Variants in RBFOX1 observed in about 807,000 individuals in gnomAD.
RBFOX1 encodes the protein RNA binding protein fox-1 homolog 1.
In RBFOX1, 8 loss-of-function variants were observed where a neutral mutation model predicts 57.7. That is an observed-to-expected ratio of 0.14 (90% confidence interval 0.08 to 0.25). The LOEUF (loss-of-function observed/expected upper bound fraction) is 0.25. RBFOX1 is among the 10% of genes least tolerant of loss of function. The probability of loss-of-function intolerance (pLI) is 1.00; values close to 1 mark genes in which losing one functional copy is unlikely to be tolerated. For synonymous variants in RBFOX1, 326 were observed against 222.4 expected (o/e 1.47, Z -4.15); for missense variants, 611 against 548.5 (o/e 1.11, Z -1.14).
intron 4 of RBFOX1, among the ~76,000 whole-genome samples, chr16:7,230,466 C>T (rs2093433568): frequency 6.6e-6 from 1 of 152,102 alleles, no homozygotes; most frequent in South Asian, 2.1e-4. Context: ...TCAGCTTTGT[C>T]CTCTCAAGGG....
At chr16:7,490,465 G>C (rs1199898017) in intron 4 of RBFOX1, among the ~76,000 whole-genome samples, 1 of 152,200 alleles carries the variant, frequency 6.6e-6, no homozygotes, top group Non-Finnish European at 1.5e-5. Context: ...TTTCCAGCCA[G>C]CCAGGCTGTC....
At chr16:6,916,487 G>T (rs1410463943) in intron 3 of RBFOX1, among the ~76,000 whole-genome samples, 14 of 142,822 alleles carry the variant, frequency 9.8e-5, no homozygotes, top group South Asian at 4.5e-4. Context: ...CATTTTAGTT[G>T]TTTTTTTTTT....
At chr16:6,645,007 C>A (rs150669043) in intron 2 of RBFOX1, among the ~76,000 whole-genome samples, 1 of 152,154 alleles carries the variant, frequency 6.6e-6, no homozygotes, top group African/African-American at 2.4e-5. Flanking sequence ...TCTGGAGGCT[C>A]TACGTCCAAG....
At chr16:5,656,259 A>G (rs1472145203) in intron 3 of RBFOX1, among the ~76,000 whole-genome samples, 3 of 152,142 alleles carry the variant, frequency 2.0e-5, no homozygotes, top group Non-Finnish European at 4.4e-5. Context: ...GCTTTCACAG[A>G]GGGTTGTCTT....
intron 2 of RBFOX1, among the ~76,000 whole-genome samples, chr16:5,561,568 G>A (rs1402027974): frequency 6.6e-6 from 1 of 152,088 alleles, no homozygotes; most frequent in Non-Finnish European, 1.5e-5. Flanking sequence ...GGCCCTATTA[G>A]ACACCAGGGA....
In RBFOX1 at chr16:5,787,879, A is replaced by G. The variant is rs190281134; in HGVS notation, c.319-79424A>G. ...ATTGCAATTGCAGTGTTCCAAGTCA[A>G]CTAAGGAACTTAGATGTTATGTGGC... On this transcript the variant is annotated intron_variant, in intron 3 of 19. Coordinates refer to the RBFOX1 transcript ENST00000641259. 1.1e-4 allele frequency among the ~76,000 whole-genome samples: 16 copies of G among 152,356 alleles called. No individual in the cohort carries two copies. The East Asian group carries it at 3.1e-3, about 29-fold the overall frequency.
In RBFOX1 at chr16:6,401,768, A is replaced by G. The variant is rs139009288; in HGVS notation, c.-64+84711A>G. Among the ~76,000 whole-genome samples the G allele has an allele frequency of 1.3e-3, 200 of 152,290 alleles. 2 individuals carry two copies. The highest frequency in any genetic ancestry group is 6.2e-3 in the East Asian group (32 of 5,184). On this transcript the variant is annotated intron_variant, in intron 2 of 15. Transcript: ENST00000550418. ...AAGTTTACTGTTCATGGAAAACATT[A>G]AATGATAAACTATAGTTTATTTAAA...
chr16:6,079,874 A>G (rs563040766), intron 1 of RBFOX1, among the ~76,000 whole-genome samples: 46 of 152,332 alleles, frequency 3.0e-4, no homozygotes, highest in Admixed American at 9.8e-4. Context: ...TAATTTTTAA[A>G]TAATTCCTTC....
At chr16:6,027,535 C>G (rs1298544947) in intron 1 of RBFOX1, among the ~76,000 whole-genome samples, 1 of 152,148 alleles carries the variant, frequency 6.6e-6, no homozygotes, top group Non-Finnish European at 1.5e-5. Flanking sequence ...CTCAGTCCAT[C>G]CCTACAAATG....
chr16:5,808,238 G>C (rs114414323), intron 3 of RBFOX1, among the ~76,000 whole-genome samples: 1,665 of 152,274 alleles, frequency 0.011, 41 homozygotes, highest in African/African-American at 0.038. Context: ...AAAAGACATA[G>C]GAATATTTCT....
At chr16:6,171,414 C>T (rs1246977531) in intron 1 of RBFOX1, among the ~76,000 whole-genome samples, 1 of 152,158 alleles carries the variant, frequency 6.6e-6, no homozygotes, top group Non-Finnish European at 1.5e-5. Context: ...TTAGAGAATG[C>T]CTCAAAGGTA....
At chr16:7,006,760 A>G (rs769233235) in intron 3 of RBFOX1, among the ~76,000 whole-genome samples, 3 of 152,152 alleles carry the variant, frequency 2.0e-5, no homozygotes, top group Non-Finnish European at 2.9e-5. Context: ...TAATTTGATT[A>G]AGAAAAAGTA....
intron 2 of RBFOX1, among the ~76,000 whole-genome samples, chr16:5,481,678 T>C (rs150074721): frequency 5.4e-4 from 83 of 152,330 alleles, no homozygotes; most frequent in Admixed American, 4.0e-3. Flanking sequence ...TTGCGAGGGC[T>C]GCCATCCCAA....
chr16:5,684,171 G>T, intron 3 of RBFOX1, among the ~76,000 whole-genome samples: 1 of 152,062 alleles, frequency 6.6e-6, no homozygotes, highest in Admixed American at 6.5e-5. Flanking sequence ...TATCTAAAAA[G>T]GATATCCCTG....
intron 4 of RBFOX1, among the ~76,000 whole-genome samples, chr16:7,413,346 G>A (rs2098448008): frequency 6.6e-6 from 1 of 151,878 alleles, no homozygotes; most frequent in African/African-American, 2.4e-5. Flanking sequence ...GTCTTCCTCT[G>A]TAGCAATGGG....
chr16:6,891,495 G>A (rs896802758), intron 3 of RBFOX1, among the ~76,000 whole-genome samples: 1 of 151,756 alleles, frequency 6.6e-6, no homozygotes, highest in Admixed American at 6.6e-5. Flanking sequence ...GGAGAGGAGA[G>A]GGGAAGATAT....
intron 3 of RBFOX1, among the ~76,000 whole-genome samples, chr16:6,865,247 C>T (rs553408667): frequency 2.0e-5 from 3 of 152,078 alleles, no homozygotes; most frequent in South Asian, 2.1e-4. Context: ...AGGTGATCCA[C>T]CCGCCTTGGC....
intron 4 of RBFOX1, among the ~76,000 whole-genome samples, chr16:7,257,219 G>A (rs2094725916): frequency 6.6e-6 from 1 of 152,134 alleles, no homozygotes; most frequent in Admixed American, 6.5e-5. Flanking sequence ...TCCCATCCCC[G>A]GGGTCATGCT....
At chr16:6,432,158 G>A (rs1258193567) in intron 2 of RBFOX1, among the ~76,000 whole-genome samples, 1 of 151,888 alleles carries the variant, frequency 6.6e-6, no homozygotes, top group African/African-American at 2.4e-5. Context: ...TTGTAAAGAT[G>A]GGGGTCTGAC....
Sources: gnomAD v4.1 joint callset for allele counts (sites outside exome capture counted in the v4.1 genomes callset) on GRCh38, gnomAD v4.1.1 for gene constraint, MANE v1.5 for transcripts, NCBI Gene and HGNC (gene_info 2026-07-23, HGNC 2026-07-21) for gene names.